ZDHHC14: variants seen among roughly 807,000 people sequenced by gnomAD.
ZDHHC14 encodes the protein palmitoyltransferase ZDHHC14.
ZDHHC14 carries 16 observed loss-of-function variants against 47.7 expected under a neutral mutation model. That is an observed-to-expected ratio of 0.34 (90% CI 0.23 to 0.51). The LOEUF is 0.51. Ranked by LOEUF, ZDHHC14 falls within the 20% of genes least tolerant of loss-of-function variation. The pLI is 0.97. For missense variants in ZDHHC14, 515 were observed against 662.5 expected (o/e 0.78, Z 2.44); for synonymous variants, 293 against 278.9 (o/e 1.05, Z -0.50).
intron 8 of ZDHHC14, among the ~76,000 whole-genome samples, chr6:157,656,718 AC>A (rs1296730182): frequency 8.0e-4 from 72 of 90,430 alleles, no homozygotes; most frequent in Middle Eastern, 5.6e-3. Flanking sequence ...AAAAAAAAAA[AC>A]AAAAAAAAAA....
chr6:157,545,568 C>A (rs1475117703), intron 2 of ZDHHC14, among the ~76,000 whole-genome samples: 1 of 151,932 alleles, frequency 6.6e-6, no homozygotes, highest in African/African-American at 2.4e-5. Context: ...GTCCCAGCTA[C>A]TCGGGAGGCT....
chr6:157,486,489 T>G (rs907617654), intron 1 of ZDHHC14, among the ~76,000 whole-genome samples: 1 of 152,260 alleles, frequency 6.6e-6, no homozygotes, highest in Non-Finnish European at 1.5e-5. Flanking sequence ...TGTATGTTTT[T>G]AATTGTCCAA....
At chr6:157,568,759 A>G (rs1198636532) in intron 2 of ZDHHC14, among the ~76,000 whole-genome samples, 1 of 152,176 alleles carries the variant, frequency 6.6e-6, no homozygotes, top group Non-Finnish European at 1.5e-5. Context: ...GTATATGAGC[A>G]TGCTTATCCT....
At chr6:157,530,897 T>TAA (rs538397957) in intron 1 of ZDHHC14, among the ~76,000 whole-genome samples, 4 of 150,576 alleles carry the variant, frequency 2.7e-5, no homozygotes, top group African/African-American at 9.7e-5. Flanking sequence ...ACGGATATGT[T>TAA]AAAAAAAAAA....
chr6:157,508,018 C>G (rs997320097), intron 1 of ZDHHC14, among the ~76,000 whole-genome samples: 2 of 152,216 alleles, frequency 1.3e-5, no homozygotes, highest in African/African-American at 4.8e-5. Flanking sequence ...AATTTTGAAG[C>G]AATGATTCCA....
At chr6:157,501,477 T>C (rs1217090480) in intron 1 of ZDHHC14, among the ~76,000 whole-genome samples, 1 of 152,270 alleles carries the variant, frequency 6.6e-6, no homozygotes, top group Non-Finnish European at 1.5e-5. Flanking sequence ...TTCTTTAAGA[T>C]TGCATTTACG....
At chr6:157,592,504 A>G (rs1222842945) in intron 2 of ZDHHC14, among the ~76,000 whole-genome samples, 1 of 151,006 alleles carries the variant, frequency 6.6e-6, no homozygotes, top group East Asian at 1.9e-4. Flanking sequence ...TGGTGTGTTA[A>G]TGAGGGCAAG....
intron 1 of ZDHHC14, among the ~76,000 whole-genome samples, chr6:157,477,652 A>C (rs1779526287): frequency 6.6e-6 from 1 of 152,174 alleles, no homozygotes; most frequent in South Asian, 2.1e-4. Context: ...CATTTGGCTA[A>C]ACAGTCCTTA....
rs1202461178 is a variant in ZDHHC14 at position 157,675,206 on chromosome 6, C to T, written c.*2084C>T. 1 of 152,216 alleles carries T rather than the reference C, an allele frequency of 6.6e-6. No individual in the cohort carries two copies. The highest frequency in any genetic ancestry group is 2.4e-5 in the African/African-American group (1 of 41,434). The allele number at this position is 152,216 out of a possible 1,614,324, so 9.4% of individuals were successfully genotyped here. A position where few individuals can be genotyped will look rare whatever the true frequency, so the allele number is the denominator to read the frequency against. On this transcript the variant is annotated 3_prime_UTR_variant, in exon 9 of 9. Coordinates refer to ENST00000359775, the MANE Select transcript of ZDHHC14 (RefSeq NM_024630.3). ...CCCTCACTCCGGTCCCACGTGTGGC[C>T]CAGTCCATTCTCAGCTCATTCCCCT...
At position 157,605,777 on chromosome 6, in the gene ZDHHC14, C is replaced by T. The variant is rs920468473; in HGVS notation, c.565+12631C>T. 7.9e-5 allele frequency among the ~76,000 whole-genome samples: 12 copies of T among 152,084 alleles called. No individual in the cohort carries two copies. In the South Asian group the frequency reaches 1.0e-3, roughly 13 times the overall value. On this transcript the variant is annotated intron_variant, in intron 3 of 8. Coordinates refer to ENST00000359775, the MANE Select transcript of ZDHHC14 (RefSeq NM_024630.3). ...AGTATGTCCAACAATTGGTGTCAAC[C>T]GTGAATGAGACTCTGCGTGGGCACA...
At chr6:157,384,964 T>C (rs1777282528) in intron 1 of ZDHHC14, among the ~76,000 whole-genome samples, 1 of 152,244 alleles carries the variant, frequency 6.6e-6, no homozygotes, top group African/African-American at 2.4e-5. Context: ...TAATTTTTTA[T>C]AGAGATGGAG....
At chr6:157,632,580 G>A (rs530190600) in intron 4 of ZDHHC14, 91 of 537,210 alleles carry the variant, frequency 1.7e-4, no homozygotes, top group Admixed American at 1.0e-3. Flanking sequence ...TTACGGGAAA[G>A]TGTGCAGACA....
At chr6:157,534,574 ATTT>A (rs1781475493) in intron 1 of ZDHHC14, among the ~76,000 whole-genome samples, 1 of 114,270 alleles carries the variant, frequency 8.8e-6, no homozygotes, top group Non-Finnish European at 1.7e-5. Flanking sequence ...ATTTCATTTC[ATTT>A]CATTTCATTT....
intron 1 of ZDHHC14, among the ~76,000 whole-genome samples, chr6:157,535,788 G>C (rs1781528097): frequency 6.6e-6 from 1 of 152,146 alleles, no homozygotes. Flanking sequence ...CTGGAGTTGT[G>C]AGTGGATATG....
chr6:157,556,584 G>A (rs1281885065), intron 2 of ZDHHC14, among the ~76,000 whole-genome samples: 1 of 152,194 alleles, frequency 6.6e-6, no homozygotes, highest in African/African-American at 2.4e-5. Flanking sequence ...CTCGAATCCA[G>A]GCAGTCAAAC....
intron 3 of ZDHHC14, among the ~76,000 whole-genome samples, chr6:157,611,734 C>T (rs1007146209): frequency 6.6e-6 from 1 of 152,168 alleles, no homozygotes; most frequent in African/African-American, 2.4e-5. Flanking sequence ...TTCTTCCATA[C>T]CCAGAAAAGC....
At chr6:157,402,315 C>T (rs1379158046) in intron 1 of ZDHHC14, among the ~76,000 whole-genome samples, 1 of 151,794 alleles carries the variant, frequency 6.6e-6, no homozygotes, top group Non-Finnish European at 1.5e-5. Flanking sequence ...TATGCACCTG[C>T]TGAGGTCGCA....
At chr6:157,580,944 T>G (rs913589890) in intron 2 of ZDHHC14, among the ~76,000 whole-genome samples, 2 of 152,096 alleles carry the variant, frequency 1.3e-5, no homozygotes, top group African/African-American at 4.8e-5. Flanking sequence ...TGATTCTGGT[T>G]ATTTCTGTCA....
chr6:157,473,618 G>A (rs1219342257), intron 1 of ZDHHC14, among the ~76,000 whole-genome samples: 2 of 152,024 alleles, frequency 1.3e-5, no homozygotes, highest in Non-Finnish European at 2.9e-5. Flanking sequence ...CTTACTGGTT[G>A]AGCATTCCTA....
Sources: allele counts gnomAD v4.1 joint callset (sites outside exome capture counted in the v4.1 genomes callset), GRCh38; gene constraint gnomAD v4.1.1; transcripts MANE v1.5; gene names NCBI Gene and HGNC (gene_info 2026-07-23, HGNC 2026-07-21).